The following ZMAT4 variants were observed in gnomAD, a reference collection of about 807,000 sequenced individuals.
The protein encoded by ZMAT4 is zinc finger matrin-type 4.
ZMAT4 carries 17 observed loss-of-function variants against 28.7 expected under a neutral mutation model. The ratio of observed to expected loss-of-function variants is 0.59; its 90% CI spans 0.41 to 0.89. ZMAT4 has a LOEUF of 0.89. Among genes scored for constraint, ZMAT4 ranks in the 40% least tolerant of loss-of-function variants. ZMAT4 has a pLI of 0.00. For missense variants in ZMAT4, 240 were observed against 283.8 expected (o/e 0.85, Z 1.11); for synonymous variants, 117 against 109.2 (o/e 1.07, Z -0.44).
chr8:40,793,847 G>A (rs1346045651), intron 2 of ZMAT4, among the ~76,000 whole-genome samples: 2 of 152,084 alleles, frequency 1.3e-5, no homozygotes, highest in South Asian at 2.1e-4. Flanking sequence ...AAAGTGTGAC[G>A]GACTCGCCCC....
intron 3 of ZMAT4, among the ~76,000 whole-genome samples, chr8:40,746,290 CTTT>C (rs1812223272): frequency 7.3e-6 from 1 of 137,532 alleles, no homozygotes; most frequent in Non-Finnish European, 1.5e-5. Context: ...TCTTTCTTTT[CTTT>C]CTTTCTCCCT....
intron 5 of ZMAT4, among the ~76,000 whole-genome samples, chr8:40,599,951 T>G (rs1316596762): frequency 1.3e-5 from 2 of 152,202 alleles, no homozygotes; most frequent in Non-Finnish European, 2.9e-5. Context: ...AAGCAGAGTG[T>G]GGGACTCCCC....
chr8:40,749,711 C>A (rs1300202735), intron 3 of ZMAT4, among the ~76,000 whole-genome samples: 1 of 152,088 alleles, frequency 6.6e-6, no homozygotes, highest in African/African-American at 2.4e-5. Context: ...ATGGTTGAGG[C>A]AGGAGTGAGT....
At chr8:40,564,838 G>A (rs922749396) in intron 6 of ZMAT4, among the ~76,000 whole-genome samples, 6 of 152,152 alleles carry the variant, frequency 3.9e-5, no homozygotes, top group African/African-American at 1.4e-4. Flanking sequence ...GGCACAGGAT[G>A]AGATATTTTA....
rs976738600 is a variant in ZMAT4, at chr8:40,615,259, T to A, written c.578-33998A>T. Among the ~76,000 whole-genome samples, 8 of 152,178 alleles carry A rather than the reference T, an allele frequency of 5.3e-5. 1 individual carries two copies. Among genetic ancestry groups the A allele is most frequent in the African/African-American group, 1.7e-4 (7 of 41,430 alleles). ...AAGAATGTTGAATATTGGCCCCCAC[T>A]CTCTTCTGGCTTGTAGAGTTTCTGC... is the stretch of plus-strand genomic sequence containing the variant. On this transcript the variant is annotated intron_variant, in intron 5 of 6. Transcript: ENST00000297737.
At chr8:40,732,834 CT>C (rs11461186) in intron 3 of ZMAT4, among the ~76,000 whole-genome samples, 2,702 of 66,984 alleles carry the variant, frequency 0.04, 16 homozygotes, top group East Asian at 0.14. Context: ...GCAAGACCTC[CT>C]TTTTTTTTTT....
At chr8:40,720,901 T>A (rs1458622744) in intron 3 of ZMAT4, among the ~76,000 whole-genome samples, 1 of 152,072 alleles carries the variant, frequency 6.6e-6, no homozygotes, top group Non-Finnish European at 1.5e-5. Context: ...GGGGGGGAAA[T>A]AGAGGCTCAG....
chr8:40,595,822 T>A, intron 5 of ZMAT4, among the ~76,000 whole-genome samples: 1 of 151,982 alleles, frequency 6.6e-6, no homozygotes, highest in East Asian at 1.9e-4. Flanking sequence ...GGTGGCTCAC[T>A]CCTGTAATCC....
intron 1 of ZMAT4, among the ~76,000 whole-genome samples, chr8:40,863,567 T>C (rs1434198172): frequency 6.6e-6 from 1 of 152,066 alleles, no homozygotes; most frequent in Non-Finnish European, 1.5e-5. Context: ...AGATGATGGG[T>C]TCAGTTCACA....
chr8:40,599,957 TC>T (rs1805242727), intron 5 of ZMAT4, among the ~76,000 whole-genome samples: 2 of 152,188 alleles, frequency 1.3e-5, no homozygotes, highest in South Asian at 4.1e-4. Context: ...AGTGTGGGAC[TC>T]CCCTTGGTCC....
intron 1 of ZMAT4, among the ~76,000 whole-genome samples, chr8:40,828,453 T>G (rs555442471): frequency 1.3e-3 from 198 of 152,138 alleles, no homozygotes; most frequent in Admixed American, 2.2e-3. Flanking sequence ...TGAAAGGATA[T>G]TCAAGGTACG....
chr8:40,873,827 T>C (rs1419854925), intron 1 of ZMAT4, among the ~76,000 whole-genome samples: 1 of 152,178 alleles, frequency 6.6e-6, no homozygotes, highest in Non-Finnish European at 1.5e-5. Context: ...CTTCTATTGT[T>C]TTTGATGATG....
chr8:40,802,914 C>A (rs1052128126), intron 2 of ZMAT4, among the ~76,000 whole-genome samples: 7 of 152,090 alleles, frequency 4.6e-5, no homozygotes, highest in African/African-American at 1.4e-4. Flanking sequence ...CAGAAATAGA[C>A]CCACATAAAT....
intron 3 of ZMAT4, among the ~76,000 whole-genome samples, chr8:40,741,004 AC>A (rs1811979700): frequency 6.6e-6 from 1 of 152,020 alleles, no homozygotes. Context: ...ACACACACAC[AC>A]ACACACACAC....
chr8:40,744,316 G>C (rs1176935078), intron 3 of ZMAT4, among the ~76,000 whole-genome samples: 1 of 152,182 alleles, frequency 6.6e-6, no homozygotes, highest in Non-Finnish European at 1.5e-5. Flanking sequence ...GCTCCTGCTA[G>C]GGGTGAAGAT....
At chr8:40,565,508 CTG>C (rs1196032710) in intron 6 of ZMAT4, among the ~76,000 whole-genome samples, 1 of 149,902 alleles carries the variant, frequency 6.7e-6, no homozygotes, top group Non-Finnish European at 1.5e-5. Flanking sequence ...TCATGAGTAA[CTG>C]GGGTTACAGA....
intron 1 of ZMAT4, among the ~76,000 whole-genome samples, chr8:40,835,338 C>G (rs1816437413): frequency 6.6e-6 from 1 of 152,160 alleles, no homozygotes; most frequent in Admixed American, 6.5e-5. Flanking sequence ...TCCATCACAC[C>G]AAAGGGCTGT....
intron 4 of ZMAT4, among the ~76,000 whole-genome samples, chr8:40,696,060 A>C (rs1563417351): frequency 6.6e-6 from 1 of 152,126 alleles, no homozygotes; most frequent in East Asian, 1.9e-4. Flanking sequence ...AGCAAGAATC[A>C]GGAGTTTCAA....
At chr8:40,773,684 C>A (rs1427523372) in intron 2 of ZMAT4, among the ~76,000 whole-genome samples, 1 of 151,882 alleles carries the variant, frequency 6.6e-6, no homozygotes. Context: ...GATAAGACAA[C>A]AGATTGAGAT....
Sources: gnomAD v4.1 joint callset for allele counts (sites outside exome capture counted in the v4.1 genomes callset) on GRCh38, gnomAD v4.1.1 for gene constraint, MANE v1.5 for transcripts, NCBI Gene and HGNC (gene_info 2026-07-23, HGNC 2026-07-21) for gene names.